The following TM6SF1 variants were observed in gnomAD, a reference collection of about 807,000 sequenced individuals.
TM6SF1 encodes the protein transmembrane 6 superfamily member 1.
A neutral mutation model predicts 47.1 loss-of-function variants in TM6SF1; 43 were observed. That is an observed-to-expected ratio of 0.91 (90% CI 0.72 to 1.18). The LOEUF is 1.18. Ranked by LOEUF, TM6SF1 falls within the 50% of genes most tolerant of loss-of-function variation. The pLI, the probability that TM6SF1 is intolerant of heterozygous loss-of-function variation, is 0.00. For missense variants in TM6SF1, 390 were observed against 449.0 expected, an observed-to-expected ratio of 0.87 and a Z score of 1.19; for synonymous variants, 177 against 166.3, an observed-to-expected ratio of 1.06 and a Z score of -0.49.
Position 83,136,560 on chromosome 15 carries a change from T to C in TM6SF1, c.1001T>C (p.Leu334Pro). ...VYRVPEEAKILFLALNIAYGV... is the reference protein window; with the variant it reads ...VYRVPEEAKIPFLALNIAYGV... ...AGAGTCCCTGAAGAAGCAAAAATCC[T>C]TTTTTTAGCATTAAACATAGCATAT... The change falls in exon 10 of 10, where the codon CTT becomes CCT. Residue 334 changes from leucine (L) to proline (P), a missense_variant. Transcript: ENST00000322019. The C allele has an allele frequency of 6.2e-7, 1 of 1,612,762 alleles. No homozygotes were observed. The highest frequency in any genetic ancestry group is 1.1e-5 in the South Asian group (1 of 90,840).
intron 9 of TM6SF1, 99 bp downstream of exon 9, chr15:83,127,576 T>A (rs771798887): frequency 7.5e-7 from 1 of 1,334,554 alleles, no homozygotes; most frequent in African/African-American, 1.5e-5. Context: ...GACTAGGAGA[T>A]AGCTATTAGA....
At chr15:83,136,190 TA>T in intron 9 of TM6SF1, 1 of 256,744 alleles carries the variant, frequency 3.9e-6, no homozygotes, top group Non-Finnish European at 7.3e-6. Context: ...TAATGTTCGG[TA>T]AGGGGCACTT....
At chr15:83,126,697 G>C (rs1345898235) in intron 7 of TM6SF1, 58 bp from the exon 8 acceptor site, 1 of 1,436,012 alleles carries the variant, frequency 7.0e-7, no homozygotes, top group Non-Finnish European at 9.7e-7. Flanking sequence ...AGCCTTATCA[G>C]CAAACCTAAG....
intron 2 of TM6SF1, chr15:83,114,381 C>G (rs1342040335): frequency 6.6e-6 from 1 of 152,298 alleles, no homozygotes; most frequent in Non-Finnish European, 1.5e-5. Context: ...GTGTCTGACA[C>G]TTGTGTTGTC....
intron 2 of TM6SF1, 107 bp from the exon 3 acceptor site, chr15:83,115,738 T>A (rs2034600344): frequency 2.5e-6 from 2 of 798,832 alleles, no homozygotes; most frequent in Non-Finnish European, 4.3e-6. Flanking sequence ...GTCCACAGCA[T>A]CTTCTGGAAA....
At chr15:83,108,630 A>T (rs2033883629) in intron 1 of TM6SF1, among the ~76,000 whole-genome samples, 1 of 152,218 alleles carries the variant, frequency 6.6e-6, no homozygotes. Flanking sequence ...GTGTTGGGAC[A>T]GGCGCCAGCC....
intron 6 of TM6SF1, among the ~76,000 whole-genome samples, chr15:83,123,961 CT>C (rs56390520): frequency 0.2 from 30,754 of 152,188 alleles, 3,252 homozygotes; most frequent in Admixed American, 0.22. Flanking sequence ...CTTAATAATT[CT>C]GGAACCCAAT....
intron 4 of TM6SF1, among the ~76,000 whole-genome samples, chr15:83,120,570 G>T (rs1356236957): frequency 2.0e-5 from 3 of 150,980 alleles, no homozygotes; most frequent in Admixed American, 2.0e-4. Context: ...TGCACTCAAG[G>T]TCAGCTCCAG....
chr15:83,111,002 C>T (rs1189998843), intron 1 of TM6SF1, among the ~76,000 whole-genome samples: 1 of 152,136 alleles, frequency 6.6e-6, no homozygotes, highest in Non-Finnish European at 1.5e-5. Flanking sequence ...TCCCAAGTAG[C>T]GGGGATTACA....
chr15:83,109,723 C>A (rs1047507432), intron 1 of TM6SF1, among the ~76,000 whole-genome samples: 10 of 152,288 alleles, frequency 6.6e-5, no homozygotes, highest in African/African-American at 2.2e-4. Context: ...TGTTTCTCGG[C>A]CTCGGCCCCC....
Position 83,107,699 on chromosome 15 carries a change from A to C in TM6SF1, c.19A>C (p.Thr7Pro), listed in dbSNP as rs1334483973. The C allele has an allele frequency of 6.4e-7, 1 of 1,564,758 alleles. No homozygotes were observed. Among genetic ancestry groups the C allele is most frequent in the Non-Finnish European group, 8.6e-7 (1 of 1,157,810 alleles). MSASAA[T>P]GVFVLSLSAI... ...GGCTGCGATGAGTGCCTCTGCGGCC[A>C]CCGGGGTCTTCGTGCTGTCCCTCTC... Residue 7 changes from threonine (T) to proline (P), a missense_variant, in exon 1 of 10, where the codon ACC becomes CCC. Physicochemically the swap from Thr to Pro is conservative, Grantham distance 38 (BLOSUM62 -1). Transcript: ENST00000322019. This position sits in a 1 kb window ranked among gnomAD's most constrained non-coding sequence, Gnocchi z 5.6.
Position 83,136,771 on chromosome 15 carries a change from T to A in TM6SF1, c.*99T>A. 1.0e-6 allele frequency: 1 copy of A among 986,754 alleles called. No homozygotes were observed. The allele number at this position is 986,754 out of a possible 1,614,324, so 61.1% of individuals were successfully genotyped here. A position where few individuals can be genotyped will look rare whatever the true frequency, so the allele number is the denominator to read the frequency against. On this transcript the variant is annotated 3_prime_UTR_variant, in exon 10 of 10. Transcript: ENST00000322019. Reference sequence around the variant, plus strand: ...CACTCTCTTCTCATACGTGAGTACTTAAGAATATGTACATTCTTGCTCTGC... The same window carrying A: ...CACTCTCTTCTCATACGTGAGTACTAAAGAATATGTACATTCTTGCTCTGC...
In TM6SF1 at chr15:83,127,150, C is replaced by T. The variant is rs535281368; in HGVS notation, c.802-208C>T. Among the ~76,000 whole-genome samples, 191 of 151,088 alleles carry T rather than the reference C, an allele frequency of 1.3e-3. 1 individual carries two copies. The highest frequency in any genetic ancestry group is 2.3e-3 in the Non-Finnish European group (157 of 67,922). On this transcript the variant is annotated intron_variant, in intron 8 of 9. Transcript: ENST00000322019. ...TGGAGGTTGCAGTGAGCCGAGATTG[C>T]GCCACTGCACTCCAGCCTGAGTGAC...
At chr15:83,136,434 T>C (rs377072099) in intron 9 of TM6SF1, 47 bp from the exon 10 acceptor site, 116 of 1,512,114 alleles carry the variant, frequency 7.7e-5, no homozygotes, top group Non-Finnish European at 9.7e-5. Flanking sequence ...TGCATCCAAC[T>C]GAACACGTTT....
chr15:83,120,080 T>C, intron 4 of TM6SF1: 1 of 196,906 alleles, frequency 5.1e-6, no homozygotes. Flanking sequence ...TGGCTCGCAC[T>C]AAGGCTTGGC....
intron 3 of TM6SF1, among the ~76,000 whole-genome samples, chr15:83,116,944 C>T (rs1283134171): frequency 6.6e-6 from 1 of 152,140 alleles, no homozygotes; most frequent in East Asian, 1.9e-4. Context: ...TTGAAGGGGA[C>T]TCTGTGGTCA....
chr15:83,109,276 G>A (rs569666758), intron 1 of TM6SF1, among the ~76,000 whole-genome samples: 89 of 152,312 alleles, frequency 5.8e-4, no homozygotes, highest in African/African-American at 2.0e-3. Context: ...GAGCAGTGCA[G>A]GGGAAGGAAT....
At chr15:83,120,979 T>G (rs887771456) in intron 4 of TM6SF1, among the ~76,000 whole-genome samples, 1 of 152,166 alleles carries the variant, frequency 6.6e-6, no homozygotes, top group Non-Finnish European at 1.5e-5. Flanking sequence ...GCACACAGTA[T>G]TCTCGTTTCC....
At chr15:83,127,118 C>T (rs952334627) in intron 8 of TM6SF1, among the ~76,000 whole-genome samples, 5 of 151,684 alleles carry the variant, frequency 3.3e-5, no homozygotes, top group East Asian at 3.9e-4. Context: ...TGCTTGAACC[C>T]GGGAGGTGGA....
Sources: allele counts gnomAD v4.1 joint callset (sites outside exome capture counted in the v4.1 genomes callset), GRCh38; gene constraint gnomAD v4.1.1; non-coding constraint Gnocchi (gnomAD v3.1); transcripts MANE v1.5; gene names NCBI Gene and HGNC (gene_info 2026-07-23, HGNC 2026-07-21).